DLG2: variants seen among roughly 807,000 people sequenced by gnomAD.
DLG2 encodes the protein disks large homolog 2.
Under a neutral mutation model 132.5 loss-of-function variants are expected in DLG2, and 45 were observed. That is an observed-to-expected ratio of 0.34 (90% CI 0.27 to 0.44). The LOEUF is 0.44. Ranked by LOEUF, DLG2 falls within the 20% of genes least tolerant of loss-of-function variation. DLG2 has a pLI of 1.00. For synonymous variants in DLG2, 424 were observed against 419.6 expected, an observed-to-expected ratio of 1.01 and a Z score of -0.13; for missense variants, 1,045 against 1,196.9, an observed-to-expected ratio of 0.87 and a Z score of 1.87.
chr11:85,431,042 T>A (rs986196590), intron 3 of DLG2, among the ~76,000 whole-genome samples: 2 of 151,150 alleles, frequency 1.3e-5, no homozygotes, highest in African/African-American at 4.9e-5. Context: ...AATTTTTTAG[T>A]TTTTTTTATT....
At chr11:84,039,747 G>T (rs1414174953) in intron 11 of DLG2, among the ~76,000 whole-genome samples, 54 of 108,558 alleles carry the variant, frequency 5.0e-4, no homozygotes, top group African/African-American at 1.6e-3. Flanking sequence ...TAATGGGATG[G>T]CTGGGTCAAA....
intron 7 of DLG2, among the ~76,000 whole-genome samples, chr11:84,491,771 C>T (rs770831900): frequency 1.2e-4 from 18 of 152,142 alleles, no homozygotes; most frequent in Non-Finnish European, 2.5e-4. Flanking sequence ...TTAAAAATTA[C>T]AGAAATCTTT....
chr11:85,155,289 T>C (rs999404503), intron 4 of DLG2, among the ~76,000 whole-genome samples: 1 of 152,230 alleles, frequency 6.6e-6, no homozygotes, highest in Non-Finnish European at 1.5e-5. Flanking sequence ...AAGAAGATGT[T>C]GATAGTCTAC....
chr11:85,318,751 A>G (rs1428733064), intron 3 of DLG2, among the ~76,000 whole-genome samples: 1 of 151,848 alleles, frequency 6.6e-6, no homozygotes. Context: ...ATGAAAGTTG[A>G]GCAATACTGT....
rs183213645 is a variant in DLG2 at position 85,370,902 on chromosome 11, T to C, written c.41-85537A>G. ...TATAATGCTAATATATGTTCCAGAA[T>C]TGTATGGGATTTCTAAAATTCTAAT... On this transcript the variant is annotated intron_variant, in intron 3 of 27. Transcript: ENST00000376104. Among the ~76,000 whole-genome samples the C allele has an allele frequency of 5.3e-5, 8 of 152,308 alleles. No individual in the cohort carries two copies. The East Asian group carries it at 1.5e-3, about 29-fold the overall frequency.
At chr11:83,923,679 C>T (rs1313607546) in intron 15 of DLG2, among the ~76,000 whole-genome samples, 5 of 152,120 alleles carry the variant, frequency 3.3e-5, no homozygotes, top group African/African-American at 4.8e-5. Flanking sequence ...CCAAGTACCA[C>T]CTGTTTTATT....
intron 6 of DLG2, among the ~76,000 whole-genome samples, chr11:84,859,396 ATG>A (rs541137841): frequency 1.0e-4 from 15 of 145,194 alleles, no homozygotes; most frequent in African/African-American, 3.8e-4. Context: ...ATACATATAT[ATG>A]TATATATACA....
intron 18 of DLG2, among the ~76,000 whole-genome samples, chr11:83,722,942 T>G (rs1296037447): frequency 6.6e-6 from 1 of 152,228 alleles, no homozygotes; most frequent in Non-Finnish European, 1.5e-5. Context: ...TGTTTTTCCA[T>G]CATAAAACAT....
intron 9 of DLG2, among the ~76,000 whole-genome samples, chr11:84,148,285 C>T (rs555821747): frequency 2.0e-4 from 30 of 152,060 alleles, no homozygotes; most frequent in Non-Finnish European, 3.7e-4. Context: ...TATTGTGTGA[C>T]GCTGAGGTTT....
chr11:84,514,591 A>T (rs1384387618), intron 7 of DLG2, among the ~76,000 whole-genome samples: 1 of 152,052 alleles, frequency 6.6e-6, no homozygotes, highest in Non-Finnish European at 1.5e-5. Flanking sequence ...TTTGGGATCT[A>T]AAAATCATAA....
intron 6 of DLG2, among the ~76,000 whole-genome samples, chr11:85,069,400 G>C (rs538451517): frequency 1.4e-4 from 21 of 151,980 alleles, no homozygotes; most frequent in Middle Eastern, 3.4e-3. Context: ...TGCAAGCTAC[G>C]CATCTGACAA....
At chr11:83,936,183 T>C (rs1272894210) in intron 14 of DLG2, among the ~76,000 whole-genome samples, 1 of 152,242 alleles carries the variant, frequency 6.6e-6, no homozygotes, top group African/African-American at 2.4e-5. Flanking sequence ...GTGAATTCTC[T>C]ACAAGAGGGT....
At chr11:83,949,779 C>T (rs1294542131) in intron 14 of DLG2, among the ~76,000 whole-genome samples, 1 of 151,986 alleles carries the variant, frequency 6.6e-6, no homozygotes, top group Admixed American at 6.6e-5. Context: ...TATCCAGTTC[C>T]AAAAGTCATG....
chr11:85,260,816 T>C (rs1382579629), intron 4 of DLG2, among the ~76,000 whole-genome samples: 1 of 152,152 alleles, frequency 6.6e-6, no homozygotes, highest in Admixed American at 6.6e-5. Context: ...GAACAATCAC[T>C]TTTTTATTAC....
intron 11 of DLG2, among the ~76,000 whole-genome samples, chr11:83,987,703 G>A (rs78157759): frequency 2.0e-5 from 3 of 152,030 alleles, no homozygotes; most frequent in African/African-American, 7.2e-5. Context: ...AATTCAAGAT[G>A]GATTAAAGAC....
chr11:84,056,952 G>A (rs1238611934), intron 11 of DLG2, among the ~76,000 whole-genome samples: 3 of 152,070 alleles, frequency 2.0e-5, no homozygotes, highest in South Asian at 2.1e-4. Flanking sequence ...TTAGGGATGC[G>A]AAGTTATTTC....
intron 7 of DLG2, among the ~76,000 whole-genome samples, chr11:84,523,577 A>G (rs1324985205): frequency 1.3e-5 from 2 of 152,216 alleles, no homozygotes; most frequent in Non-Finnish European, 2.9e-5. Context: ...ACAATTCCAG[A>G]CTGTTTAGAA....
intron 6 of DLG2, among the ~76,000 whole-genome samples, chr11:85,024,454 T>A (rs1186296583): frequency 6.6e-6 from 1 of 152,220 alleles, no homozygotes; most frequent in Non-Finnish European, 1.5e-5. Flanking sequence ...GTGACTTTTT[T>A]CCTCAGAATT....
At chr11:85,079,936 GTAT>G (rs571193035) in intron 6 of DLG2, among the ~76,000 whole-genome samples, 120 of 152,114 alleles carry the variant, frequency 7.9e-4, no homozygotes, top group African/African-American at 2.8e-3. Context: ...GGCCCACTAG[GTAT>G]CTTGATATCC....
Sources: allele counts gnomAD v4.1 joint callset (sites outside exome capture counted in the v4.1 genomes callset), GRCh38; gene constraint gnomAD v4.1.1; transcripts MANE v1.5; gene names NCBI Gene and HGNC (gene_info 2026-07-23, HGNC 2026-07-21).